Variants in YWHAE observed in about 807,000 individuals in gnomAD.
The protein encoded by YWHAE is tyrosine 3-monooxygenase/tryptophan 5-monooxygenase activation protein epsilon, also known as 14-3-3 protein epsilon.
A neutral mutation model predicts 30.1 loss-of-function variants in YWHAE; 4 were observed. That is an observed-to-expected ratio of 0.13 (90% CI 0.07 to 0.30). The LOEUF (loss-of-function observed/expected upper bound fraction) is 0.30, where lower values mean the gene tolerates loss of function less well. Among genes scored for constraint, YWHAE ranks in the 10% least tolerant of loss-of-function variants. The pLI, the probability that YWHAE is intolerant of heterozygous loss-of-function variation, is 1.00. For missense variants in YWHAE, 121 were observed against 315.9 expected (o/e 0.38, Z 4.68); for synonymous variants, 118 against 111.8 (o/e 1.06, Z -0.35).
intron 1 of YWHAE, among the ~76,000 whole-genome samples, chr17:1,388,680 A>G (rs750878144): frequency 2.6e-4 from 40 of 151,440 alleles, no homozygotes; most frequent in Non-Finnish European, 4.6e-4. Flanking sequence ...AAAAGCAATG[A>G]GATTACAGGT....
rs1567957185 is a variant in YWHAE at position 1,354,341 on chromosome 17, T to A, written c.585A>T (p.Ala195=). Residue 195 remains alanine (A), a synonymous_variant, in exon 5 of 6, where the codon GCA becomes GCT. Transcript: ENST00000264335. ...LNSPDRACRL[A]KAAFDDAIAE... ...CAATTGCATCATCAAAAGCTGCTTT[T>A]GCCAACCTAAAGGTATTTCAATAGA... The A allele has an allele frequency of 1.2e-6, 2 of 1,613,562 alleles. No individual in the cohort carries two copies. The highest frequency in any genetic ancestry group is 1.7e-6 in the Non-Finnish European group (2 of 1,179,838).
intron 1 of YWHAE, among the ~76,000 whole-genome samples, chr17:1,387,041 G>C (rs1043286949): frequency 6.6e-6 from 1 of 151,974 alleles, no homozygotes; most frequent in Non-Finnish European, 1.5e-5. Context: ...GCTTTTGCTA[G>C]GTTAAAAAGA....
chr17:1,388,113 GGTTGGTT>G (rs1567983262), intron 1 of YWHAE, among the ~76,000 whole-genome samples: 31 of 35,134 alleles, frequency 8.8e-4, no homozygotes, highest in African/African-American at 3.7e-3. Flanking sequence ...TTTTTTTTTT[GGTTGGTT>G]TTTTTTTTTT....
At chr17:1,396,629 T>A (rs2073476078) in intron 1 of YWHAE, among the ~76,000 whole-genome samples, 1 of 152,108 alleles carries the variant, frequency 6.6e-6, no homozygotes, top group South Asian at 2.1e-4. Context: ...GGTAAACTTT[T>A]CCCCTCTATA....
chr17:1,354,199 GTGCT>G lies in YWHAE; in HGVS notation c.715+8_715+11del. 6.2e-7 allele frequency: 1 copy of G among 1,611,136 alleles called. No individual in the cohort carries two copies. The highest frequency in any genetic ancestry group is 8.5e-7 in the Non-Finnish European group (1 of 1,178,916). Reference sequence around the variant, plus strand: ...CTGAAAGAGGTGCCTGTTTCACTCCGTGCTTGCTTACCGTCACCCTGCATGTCTG... The same window carrying G: ...CTGAAAGAGGTGCCTGTTTCACTCCGTGCTTACCGTCACCCTGCATGTCTG... On this transcript the variant is annotated splice_region_variant and intron_variant, in intron 5 of 5. Transcript: ENST00000264335.
At chr17:1,370,037 G>A (rs2073006490) in intron 1 of YWHAE, among the ~76,000 whole-genome samples, 1 of 151,622 alleles carries the variant, frequency 6.6e-6, no homozygotes, top group African/African-American at 2.4e-5. Context: ...AATGAAGTCT[G>A]CCATGTTGAT....
chr17:1,344,937 C>A lies in YWHAE; in HGVS notation c.*510G>T, dbSNP rs1020113379. 4.3e-6 allele frequency: 1 copy of A among 233,546 alleles called. No homozygotes were observed. The highest frequency in any genetic ancestry group is 5.6e-5 in the Admixed American group (1 of 17,792). The allele number at this position is 233,546 out of a possible 1,614,324, so 14.5% of individuals were successfully genotyped here. On this transcript the variant is annotated 3_prime_UTR_variant, in exon 6 of 6. Coordinates refer to ENST00000264335, the MANE Select transcript of YWHAE (RefSeq NM_006761.5). ...ATTTTTTACAGCAAAACCATTACAA[C>A]GAAGTCCCTCCCCAAACCACCTTTA...
Position 1,397,239 on chromosome 17 carries a change from G to C in YWHAE, c.64+2808C>G, listed in dbSNP as rs2073488156. ...CTTGTACTATTTCATATACGGGACA[G>C]TAAGAGCTGTTTGAGAAATGCTAAG... On this transcript the variant is annotated intron_variant, in intron 1 of 5. Transcript: ENST00000264335. Among the ~76,000 whole-genome samples, 5 of 152,292 alleles carry C rather than the reference G, an allele frequency of 3.3e-5. No homozygotes were observed. The South Asian group carries it at 1.0e-3, about 32-fold the overall frequency.
At chr17:1,397,421 C>T (rs938805584) in intron 1 of YWHAE, among the ~76,000 whole-genome samples, 1 of 152,180 alleles carries the variant, frequency 6.6e-6, no homozygotes, top group Admixed American at 6.6e-5. Flanking sequence ...TTCCTGAACA[C>T]AGGTTAGCTC....
At chr17:1,398,458 G>C (rs1436577687) in intron 1 of YWHAE, among the ~76,000 whole-genome samples, 1 of 151,540 alleles carries the variant, frequency 6.6e-6, no homozygotes, top group African/African-American at 2.4e-5. Context: ...TCAAATCCCT[G>C]AATCTTATTT....
At chr17:1,398,352 A>G (rs2073507669) in intron 1 of YWHAE, among the ~76,000 whole-genome samples, 2 of 141,026 alleles carry the variant, frequency 1.4e-5, no homozygotes, top group Admixed American at 7.0e-5. Flanking sequence ...CCCAACAGGA[A>G]CCTTGTTGAA....
At chr17:1,351,739 C>CT (rs1729072691) in intron 5 of YWHAE, among the ~76,000 whole-genome samples, 4 of 152,226 alleles carry the variant, frequency 2.6e-5, no homozygotes, top group South Asian at 2.1e-4. Flanking sequence ...CCTCAGCCGT[C>CT]TGAGAAGCAT....
chr17:1,346,311 T>C (rs771651009), intron 5 of YWHAE, among the ~76,000 whole-genome samples: 49 of 152,344 alleles, frequency 3.2e-4, no homozygotes, highest in Middle Eastern at 3.4e-3. Flanking sequence ...TTAAAAATGA[T>C]GTAACAGGTA....
chr17:1,397,696 G>A (rs2073495522), intron 1 of YWHAE, among the ~76,000 whole-genome samples: 1 of 151,882 alleles, frequency 6.6e-6, no homozygotes, highest in Non-Finnish European at 1.5e-5. Context: ...CAGAACTCCG[G>A]GAAAACTTTG....
At chr17:1,379,617 G>C (rs1350554790) in intron 1 of YWHAE, among the ~76,000 whole-genome samples, 1 of 152,178 alleles carries the variant, frequency 6.6e-6, no homozygotes, top group Admixed American at 6.5e-5. Context: ...GTAGCTTGAG[G>C]AGTCTTAAAT....
chr17:1,375,052 T>A (rs1187847184), intron 1 of YWHAE, among the ~76,000 whole-genome samples: 1 of 152,106 alleles, frequency 6.6e-6, no homozygotes, highest in African/African-American at 2.4e-5. Context: ...GCCTCCCAAG[T>A]AACTGGGACT....
At chr17:1,382,111 C>A (rs2073220386) in intron 1 of YWHAE, among the ~76,000 whole-genome samples, 2 of 151,968 alleles carry the variant, frequency 1.3e-5, no homozygotes, top group Non-Finnish European at 1.5e-5. Context: ...TGCAGTGGCG[C>A]AATCTCGGCT....
rs150837977 is a variant in YWHAE, at chr17:1,345,459, G to A, written c.756C>T (p.Asp252=). The A allele has an allele frequency of 3.0e-4, 485 of 1,613,628 alleles. 5 individuals carry two copies. The East Asian group carries it at 9.6e-3, about 32-fold the overall frequency. Residue 252 remains aspartate, a synonymous_variant, in exon 6 of 6, where the codon GAC becomes GAT. Coordinates refer to ENST00000264335, the MANE Select transcript of YWHAE (RefSeq NM_006761.5). The part of the protein sequence containing the change: ...QNKEALQDVE[D]ENQ ...GTTGGCTTATGTCTCACTGATTTTC[G>A]TCTTCCACGTCCTGCAGCGCTTCTT...
intron 1 of YWHAE, among the ~76,000 whole-genome samples, chr17:1,374,774 T>C (rs1260785044): frequency 6.6e-6 from 1 of 152,220 alleles, no homozygotes; most frequent in African/African-American, 2.4e-5. Context: ...ATTTAATTAT[T>C]TGTCTTTTCA....
Sources: gnomAD v4.1 joint callset for allele counts (sites outside exome capture counted in the v4.1 genomes callset) on GRCh38, gnomAD v4.1.1 for gene constraint, MANE v1.5 for transcripts, NCBI Gene and HGNC (gene_info 2026-07-23, HGNC 2026-07-21) for gene names.